Variants in DCC observed in about 807,000 individuals in gnomAD.
DCC encodes the protein netrin receptor DCC.
In DCC, 58 loss-of-function variants were observed where a neutral mutation model predicts 172.5. That is an observed-to-expected ratio of 0.34 (90% CI 0.27 to 0.42). The LOEUF is 0.42. Among genes scored for constraint, DCC ranks in the 10% least tolerant of loss-of-function variants. The pLI, the probability that DCC is intolerant of heterozygous loss-of-function variation, is 1.00. For missense variants in DCC, 1,740 were observed against 1,791.0 expected, an observed-to-expected ratio of 0.97 and a Z score of 0.51; for synonymous variants, 709 against 644.5, an observed-to-expected ratio of 1.10 and a Z score of -1.52.
At chr18:52,727,915 T>G (rs912110693) in intron 1 of DCC, among the ~76,000 whole-genome samples, 3 of 152,236 alleles carry the variant, frequency 2.0e-5, no homozygotes, top group Non-Finnish European at 4.4e-5. Context: ...AGCTTTATTG[T>G]GGCTTTCATT....
chr18:52,360,362 T>C (rs1984565823), intron 1 of DCC, among the ~76,000 whole-genome samples: 1 of 152,248 alleles, frequency 6.6e-6, no homozygotes, highest in Non-Finnish European at 1.5e-5. Flanking sequence ...AGCTTTAGAA[T>C]GCTAATGCCT....
chr18:53,172,428 C>T (rs944237368), intron 8 of DCC, among the ~76,000 whole-genome samples: 4 of 151,996 alleles, frequency 2.6e-5, no homozygotes, highest in African/African-American at 9.7e-5. Context: ...CACAATATAC[C>T]CGTGTAACAC....
chr18:52,622,737 A>G (rs1404302371), intron 1 of DCC, among the ~76,000 whole-genome samples: 1 of 152,206 alleles, frequency 6.6e-6, no homozygotes, highest in Non-Finnish European at 1.5e-5. Flanking sequence ...AGATGTATCC[A>G]CATGGCTGGC....
intron 7 of DCC, among the ~76,000 whole-genome samples, chr18:53,100,011 A>G (rs1262039610): frequency 1.4e-5 from 2 of 142,830 alleles, no homozygotes; most frequent in Non-Finnish European, 3.0e-5. Context: ...CAGTGGCACA[A>G]TCTTAGCTCA....
At chr18:52,885,229 TCTC>T (rs1481057533) in intron 2 of DCC, among the ~76,000 whole-genome samples, 2 of 152,060 alleles carry the variant, frequency 1.3e-5, no homozygotes, top group African/African-American at 4.8e-5. Context: ...TCATGTTTGT[TCTC>T]CTCCCTTCAG....
chr18:53,403,613 A>G (rs899818670), intron 19 of DCC, among the ~76,000 whole-genome samples: 1 of 152,220 alleles, frequency 6.6e-6, no homozygotes, highest in Non-Finnish European at 1.5e-5. Context: ...TATAATTATT[A>G]TGAAAAATAT....
intron 5 of DCC, among the ~76,000 whole-genome samples, chr18:53,044,992 A>G (rs2042217542): frequency 6.6e-6 from 1 of 151,890 alleles, no homozygotes; most frequent in Admixed American, 6.6e-5. Flanking sequence ...ATGAACAGAT[A>G]TAAAATGTAT....
intron 1 of DCC, among the ~76,000 whole-genome samples, chr18:52,591,671 C>T (rs1249418759): frequency 6.6e-6 from 1 of 152,084 alleles, no homozygotes; most frequent in South Asian, 2.1e-4. Flanking sequence ...CAACCTCGAT[C>T]TCCTGGGCTC....
intron 1 of DCC, among the ~76,000 whole-genome samples, chr18:52,615,007 T>C (rs1402352947): frequency 1.3e-5 from 2 of 152,272 alleles, no homozygotes; most frequent in Non-Finnish European, 2.9e-5. Flanking sequence ...AATATATATA[T>C]TTTTTCCTTT....
At chr18:53,200,398 T>C (rs918758364) in intron 9 of DCC, among the ~76,000 whole-genome samples, 1 of 152,306 alleles carries the variant, frequency 6.6e-6, no homozygotes, top group East Asian at 1.9e-4. Flanking sequence ...GGCCTGTGAT[T>C]TATGGTAACA....
At chr18:52,769,277 C>A (rs181696668) in intron 2 of DCC, among the ~76,000 whole-genome samples, 1 of 152,134 alleles carries the variant, frequency 6.6e-6, no homozygotes, top group South Asian at 2.1e-4. Flanking sequence ...TCTAATTAGA[C>A]GCATAGTGGT....
intron 1 of DCC, among the ~76,000 whole-genome samples, chr18:52,407,094 T>G (rs1429273736): frequency 6.6e-6 from 1 of 152,026 alleles, no homozygotes; most frequent in African/African-American, 2.4e-5. Flanking sequence ...TGTGGAAACA[T>G]TTGGTGGCAC....
intron 2 of DCC, among the ~76,000 whole-genome samples, chr18:52,888,714 T>C (rs2145417440): frequency 6.6e-6 from 1 of 152,104 alleles, no homozygotes; most frequent in Non-Finnish European, 1.5e-5. Context: ...TGCCCTGTGA[T>C]AAGATTGCTT....
In DCC at chr18:52,414,927, A is replaced by T. The variant is rs79655630; in HGVS notation, c.91+74049A>T. Among the ~76,000 whole-genome samples the T allele has an allele frequency of 3.9e-5, 6 of 152,350 alleles. No individual in the cohort carries two copies. The East Asian group carries it at 1.2e-3, about 29-fold the overall frequency. ...TATTTCTGCAATTGCAGAGTATTAC[A>T]CACCAAGAAATTAGTCTTTTTGTTA... On this transcript the variant is annotated intron_variant, in intron 1 of 28. Coordinates refer to ENST00000442544, the MANE Select transcript of DCC (RefSeq NM_005215.4).
intron 27 of DCC, among the ~76,000 whole-genome samples, chr18:53,501,275 C>T (rs1464441428): frequency 6.6e-6 from 1 of 152,140 alleles, no homozygotes; most frequent in African/African-American, 2.4e-5. Flanking sequence ...GTCTTAACCC[C>T]ATTTTAGGCA....
intron 15 of DCC, among the ~76,000 whole-genome samples, chr18:53,341,974 T>G (rs995054597): frequency 6.6e-6 from 1 of 152,078 alleles, no homozygotes; most frequent in Non-Finnish European, 1.5e-5. Flanking sequence ...AAAATGAAAT[T>G]TTATGTTTTA....
chr18:52,613,805 C>T (rs970500748), intron 1 of DCC, among the ~76,000 whole-genome samples: 3 of 152,026 alleles, frequency 2.0e-5, no homozygotes, highest in African/African-American at 2.4e-5. Context: ...TCTGGGTATT[C>T]GCTGAGAGCA....
At chr18:52,823,926 C>T (rs1049144397) in intron 2 of DCC, among the ~76,000 whole-genome samples, 2 of 152,260 alleles carry the variant, frequency 1.3e-5, no homozygotes, top group East Asian at 3.9e-4. Flanking sequence ...GTAATGCCTG[C>T]AGGTTGTTTA....
At chr18:52,677,367 T>C (rs2035662921) in intron 1 of DCC, among the ~76,000 whole-genome samples, 2 of 152,138 alleles carry the variant, frequency 1.3e-5, no homozygotes, top group Admixed American at 6.5e-5. Context: ...TTCTTGAGGC[T>C]GTTGTGAGGC....
Sources: allele counts gnomAD v4.1 joint callset (sites outside exome capture counted in the v4.1 genomes callset), GRCh38; gene constraint gnomAD v4.1.1; transcripts MANE v1.5; gene names NCBI Gene and HGNC (gene_info 2026-07-23, HGNC 2026-07-21).